Variants in MED23 observed in about 807,000 individuals in gnomAD.
MED23 encodes mediator of RNA polymerase II transcription subunit 23.
Under a neutral mutation model 163.9 loss-of-function variants are expected in MED23, and 105 were observed. The observed-to-expected ratio is 0.64, with a 90% CI of 0.55 to 0.75. MED23 has a LOEUF of 0.75. Among genes scored for constraint, MED23 ranks in the 30% least tolerant of loss-of-function variants. The pLI, the probability that MED23 is intolerant of heterozygous loss-of-function variation, is 0.00. For missense variants in MED23, 1,054 were observed against 1,649.0 expected (o/e 0.64, Z 6.25); for synonymous variants, 561 against 565.6 (o/e 0.99, Z 0.12).
intron 6 of MED23, among the ~76,000 whole-genome samples, chr6:131,621,403 T>A (rs1205728139): frequency 1.3e-5 from 2 of 152,016 alleles, no homozygotes; most frequent in Non-Finnish European, 2.9e-5. Flanking sequence ...ATAGAGATAT[T>A]ATTTAATGGA....
intron 30 of MED23, among the ~76,000 whole-genome samples, chr6:131,575,367 A>G (rs553554338): frequency 1.3e-5 from 2 of 152,208 alleles, no homozygotes; most frequent in Non-Finnish European, 1.5e-5. Context: ...ACACAAAACT[A>G]AAGGCAAAAC....
Position 131,593,074 on chromosome 6 carries a change from C to T in MED23, c.3330G>A (p.Val1110=). 6.2e-7 allele frequency: 1 copy of T among 1,614,092 alleles called. No individual in the cohort carries two copies. Among genetic ancestry groups the T allele is most frequent in the South Asian group, 1.1e-5 (1 of 91,072 alleles). The change falls in exon 24 of 29, where the codon GTG becomes GTA. Residue 1110 remains valine (V), a synonymous_variant. Transcript: ENST00000368068. Reference sequence around the variant, plus strand: ...CTGAAACTGCCAAGGCCATGAGCTCCACACAAGTAACATGGAGAGCATGGG... The same window carrying T: ...CTGAAACTGCCAAGGCCATGAGCTCTACACAAGTAACATGGAGAGCATGGG... ...PAAHALHVTC[V]ELMALAVSGK...
intron 11 of MED23, among the ~76,000 whole-genome samples, chr6:131,608,625 C>T (rs1310893657): frequency 1.3e-5 from 2 of 152,058 alleles, no homozygotes; most frequent in Non-Finnish European, 1.5e-5. Context: ...AGGCTGGTCT[C>T]GAACTCCTGA....
chr6:131,597,426 A>G (rs1048660739), intron 20 of MED23, among the ~76,000 whole-genome samples: 1 of 148,250 alleles, frequency 6.7e-6, no homozygotes, highest in Non-Finnish European at 1.5e-5. Flanking sequence ...CAGTGAGCCA[A>G]CATCACGCCA....
intron 22 of MED23, among the ~76,000 whole-genome samples, chr6:131,594,582 A>C (rs1774898728): frequency 6.6e-6 from 1 of 152,180 alleles, no homozygotes; most frequent in African/African-American, 2.4e-5. Flanking sequence ...TCCATTTCTG[A>C]AAATTTATCC....
At chr6:131,605,218 C>A in intron 14 of MED23, 22 bp downstream of exon 14, 1 of 1,612,210 alleles carries the variant, frequency 6.2e-7, no homozygotes, top group South Asian at 1.1e-5. Flanking sequence ...GACATGGAAC[C>A]AAATTAATAA....
At chr6:131,576,516 TAA>T (rs1773619646) in intron 30 of MED23, 4 of 743,250 alleles carry the variant, frequency 5.4e-6, no homozygotes, top group South Asian at 4.6e-5. Context: ...CTGTGAAGAT[TAA>T]AAGAGATGAT....
At chr6:131,593,207 T>G in intron 23 of MED23, 36 bp from the exon 24 acceptor site, 2 of 1,612,200 alleles carry the variant, frequency 1.2e-6, no homozygotes, top group Non-Finnish European at 1.7e-6. Flanking sequence ...TTGGACTATC[T>G]CATCTGATTG....
rs1472141935 is a variant in MED23 at position 131,624,310 on chromosome 6, C to A, written c.284+555G>T. Among the ~76,000 whole-genome samples the A allele has an allele frequency of 3.3e-5, 5 of 152,184 alleles. No homozygotes were observed. In the South Asian group the frequency reaches 1.0e-3, roughly 32 times the overall value. ...ACAATTTCTGCCTAGCCCTCTTTTG[C>A]ACACTTGCTGTTAGGCTCCACCATG... On this transcript the variant is annotated intron_variant, in intron 4 of 28. Transcript: ENST00000368068.
At position 131,581,099 on chromosome 6, in the gene MED23, T is replaced by TATCA. The variant is rs146174141; in HGVS notation, c.4095+6606_4095+6609dup. 0.011 allele frequency: 10,613 copies of TATCA among 959,926 alleles called. 691 individuals are homozygous for TATCA. In the African/African-American group the frequency reaches 0.14, roughly 13 times the overall value. 59.5% of individuals were successfully genotyped at this position (959,926 alleles called of 1,614,324 possible). A position where few individuals can be genotyped will look rare whatever the true frequency, so the allele number is the denominator to read the frequency against. On this transcript the variant is annotated intron_variant, in intron 30 of 30. Transcript: ENST00000354577. Reference sequence around the variant, plus strand: ...TAATTGGCATCTCCAATTCAGAACCTATCAGAAATATCAGACACTGTGACT... The same window carrying TATCA: ...TAATTGGCATCTCCAATTCAGAACCTATCAATCAGAAATATCAGACACTGTGACT...
chr6:131,587,360 G>A lies in MED23; in HGVS notation c.*319C>T. 8.7e-7 allele frequency: 1 copy of A among 1,146,390 alleles called. No homozygotes were observed. Among genetic ancestry groups the A allele is most frequent in the Non-Finnish European group, 1.1e-6 (1 of 931,766 alleles). The allele number at this position is 1,146,390 out of a possible 1,614,324, so 71.0% of individuals were successfully genotyped here. On this transcript the variant is annotated 3_prime_UTR_variant, in exon 29 of 29. Coordinates refer to ENST00000368068, the MANE Select transcript of MED23 (RefSeq NM_004830.4). ...ATAAAAAATACAAACAAAAACAACGGCTAGAATAGGAAAGACTGAAAGTGC... is the reference window on the plus strand; with the variant it reads ...ATAAAAAATACAAACAAAAACAACGACTAGAATAGGAAAGACTGAAAGTGC...
Position 131,627,410 on chromosome 6 carries a change from C to T in MED23, c.145G>A (p.Gly49Ser), listed in dbSNP as rs142367193. ...SCLGAFRQFW[G>S]GLSQESHEQC... ...GAAGCGCTCACCTGAGAAAGACCAC[C>T]CCAAAACTGTCTGAAGGCCCCCAAA... The change falls in exon 3 of 29, where the codon GGT becomes AGT. Residue 49 changes from glycine to serine, a missense_variant. Around this residue, in one of 11 missense-constraint regions of MED23, gnomAD observed 227 missense variants for 235.5 expected, o/e 0.96. Transcript: ENST00000368068. The T allele has an allele frequency of 1.9e-6, 3 of 1,612,946 alleles. No homozygotes were observed. The highest frequency in any genetic ancestry group is 2.7e-5 in the African/African-American group (2 of 74,710).
At position 131,598,076 on chromosome 6, in the gene MED23, C is replaced by T. The variant is rs373547267; in HGVS notation, c.2607+211G>A. Among the ~76,000 whole-genome samples the T allele has an allele frequency of 1.6e-4, 24 of 150,256 alleles. No individual in the cohort carries two copies. In the East Asian group the frequency reaches 2.3e-3, roughly 15 times the overall value. On this transcript the variant is annotated intron_variant, in intron 20 of 28. Transcript: ENST00000368068. This position sits in a 1 kb window ranked among gnomAD's most constrained non-coding sequence, Gnocchi z 4.7. ...CACGCCACTGCACTGGGCGACAGAG[C>T]GAGACCCTGTCTCAAAAAACAAACA...
At chr6:131,583,810 C>T (rs104893940), downstream of MED23, 57 of 1,614,056 alleles carry the variant, frequency 3.5e-5, no homozygotes, top group African/African-American at 8.0e-5. Flanking sequence ...AGAAGTAACT[C>T]GAACAGTGAA....
intron 17 of MED23, 77 bp from the exon 18 acceptor site, chr6:131,600,239 A>T (rs1442991430): frequency 7.3e-7 from 1 of 1,370,740 alleles, no homozygotes; most frequent in African/African-American, 1.4e-5. Context: ...AGCGAAAATA[A>T]TAATTATGTA....
At chr6:131,616,046 A>G (rs1776665311) in intron 9 of MED23, 44 bp from the exon 10 acceptor site, 2 of 1,434,342 alleles carry the variant, frequency 1.4e-6, no homozygotes, top group East Asian at 2.3e-5. Context: ...ATCAATGTCA[A>G]CATTAATCCA....
chr6:131,602,111 A>T (rs1358500189), intron 17 of MED23, 107 bp downstream of exon 17: 2 of 1,316,880 alleles, frequency 1.5e-6, no homozygotes, highest in East Asian at 4.8e-5. Context: ...GGCTTTTTTC[A>T]AACAAATGAA....
downstream of MED23, among the ~76,000 whole-genome samples, chr6:131,586,394 C>T (rs1004030364): frequency 1.4e-4 from 20 of 145,542 alleles, no homozygotes; most frequent in Non-Finnish European, 2.7e-4. Context: ...TACGAGACTC[C>T]GTCTCAAAAA....
chr6:131,587,283 A>C lies in MED23; in HGVS notation c.*396T>G. Reference sequence around the variant, plus strand: ...AAAATATTTGTAATAACTGTTTTACATGTGTGGTGCCTTTAAAATAATATA... The same window carrying C: ...AAAATATTTGTAATAACTGTTTTACCTGTGTGGTGCCTTTAAAATAATATA... On this transcript the variant is annotated 3_prime_UTR_variant, in exon 29 of 29. Transcript: ENST00000368068. 6 of 1,047,608 alleles carry C rather than the reference A, an allele frequency of 5.7e-6. No homozygotes were observed. Among genetic ancestry groups the C allele is most frequent in the Non-Finnish European group, 7.0e-6 (6 of 857,594 alleles). The allele number at this position is 1,047,608 out of a possible 1,614,324, so 64.9% of individuals were successfully genotyped here.
Sources: allele counts gnomAD v4.1 joint callset (sites outside exome capture counted in the v4.1 genomes callset), GRCh38; gene constraint gnomAD v4.1.1; regional missense constraint gnomAD v4.1.1; non-coding constraint Gnocchi (gnomAD v3.1); transcripts MANE v1.5; gene names NCBI Gene and HGNC (gene_info 2026-07-23, HGNC 2026-07-21).